The following FAM193A variants were observed in gnomAD, a reference collection of about 807,000 sequenced individuals.
FAM193A encodes family with sequence similarity 193 member A.
FAM193A carries 22 observed loss-of-function variants against 126.5 expected under a neutral mutation model. That is an observed-to-expected ratio of 0.17 (90% CI 0.12 to 0.25). The LOEUF is 0.25. Ranked by LOEUF, FAM193A falls within the 10% of genes least tolerant of loss-of-function variation. The probability of loss-of-function intolerance (pLI) is 1.00; values close to 1 mark genes in which losing one functional copy is unlikely to be tolerated. For missense variants in FAM193A, 1,675 were observed against 1,672.8 expected (o/e 1.00, Z -0.02); for synonymous variants, 761 against 646.8 (o/e 1.18, Z -2.68).
At chr4:2,728,391 C>T (rs1030804230) in intron 20 of FAM193A, among the ~76,000 whole-genome samples, 3 of 152,038 alleles carry the variant, frequency 2.0e-5, no homozygotes, top group African/African-American at 7.2e-5. Flanking sequence ...TTTACCTTCC[C>T]TCATTTTTGG....
chr4:2,613,153 T>C (rs1310993079), intron 2 of FAM193A, among the ~76,000 whole-genome samples: 2 of 152,164 alleles, frequency 1.3e-5, no homozygotes, highest in African/African-American at 4.8e-5. Context: ...TTAAAAACTT[T>C]CCAGACAGGC....
At chr4:2,613,715 A>G (rs1742018233) in intron 2 of FAM193A, among the ~76,000 whole-genome samples, 1 of 151,100 alleles carries the variant, frequency 6.6e-6, no homozygotes, top group South Asian at 2.1e-4. Flanking sequence ...TGGCCTCCCA[A>G]AGTGCTGGGA....
At chr4:2,609,946 T>C (rs1016543093) in intron 2 of FAM193A, among the ~76,000 whole-genome samples, 1 of 143,728 alleles carries the variant, frequency 7.0e-6, no homozygotes, top group African/African-American at 2.6e-5. Flanking sequence ...AAAAAGAGTT[T>C]GCTGGCTGGG....
Position 2,699,862 on chromosome 4 carries a change from G to T in FAM193A, c.3690G>T (p.Glu1230Asp), listed in dbSNP as rs1286216703. The T allele has an allele frequency of 4.3e-6, 7 of 1,613,930 alleles. No homozygotes were observed. Among genetic ancestry groups the T allele is most frequent in the Non-Finnish European group, 5.1e-6 (6 of 1,179,982 alleles). Residue 1230 changes from glutamate (E) to aspartate (D), a missense_variant, in exon 19 of 21, where the codon GAG (glutamate) becomes GAT (aspartate). Physicochemically the swap from Glu to Asp is conservative, Grantham distance 45 (BLOSUM62 2). Around this residue, in one of 4 missense-constraint regions of FAM193A, gnomAD observed 415 missense variants for 396.7 expected, o/e 1.05. Coordinates refer to ENST00000637812, the MANE Select transcript of FAM193A (RefSeq NM_001366318.2). ...KLRAVKKKKK[E>D]RPSKDCPKLD... ...GAGCTGTAAAAAAGAAGAAGAAGGA[G>T]AGGCCAAGTAAAGACTGCCCCAAGT...
chr4:2,706,626 G>A (rs1341741211), intron 19 of FAM193A, among the ~76,000 whole-genome samples: 1 of 151,258 alleles, frequency 6.6e-6, no homozygotes, highest in Non-Finnish European at 1.5e-5. Context: ...TATGCACTTG[G>A]GTCTGTTTCT....
At chr4:2,645,222 A>G (rs1745016734) in intron 6 of FAM193A, among the ~76,000 whole-genome samples, 2 of 152,224 alleles carry the variant, frequency 1.3e-5, no homozygotes, top group African/African-American at 2.4e-5. Flanking sequence ...GATATATTAT[A>G]AACATGGTAT....
chr4:2,690,068 G>A (rs1716191568), intron 14 of FAM193A, among the ~76,000 whole-genome samples: 3 of 152,210 alleles, frequency 2.0e-5, no homozygotes, highest in South Asian at 4.1e-4. Flanking sequence ...GTGCACAGGG[G>A]CAGGAAGAAA....
At chr4:2,567,817 C>T (rs1020643678) in intron 1 of FAM193A, among the ~76,000 whole-genome samples, 1 of 152,142 alleles carries the variant, frequency 6.6e-6, no homozygotes, top group Admixed American at 6.6e-5. Flanking sequence ...GGTGTCCCTG[C>T]CGATGAAGTC....
intron 1 of FAM193A, among the ~76,000 whole-genome samples, chr4:2,548,935 T>G (rs1177206020): frequency 6.6e-6 from 1 of 151,662 alleles, no homozygotes; most frequent in African/African-American, 2.4e-5. Context: ...TTTTTTGTTT[T>G]TTTTGTTTGT....
chr4:2,568,253 A>G lies in FAM193A; in HGVS notation c.256-27831A>G, dbSNP rs985684761. 9.8e-5 allele frequency among the ~76,000 whole-genome samples: 15 copies of G among 152,332 alleles called. No individual in the cohort carries two copies. In the South Asian group the frequency reaches 3.1e-3, roughly 32 times the overall value. ...TTTCAAAAAGATTGGAAGTTTATTG[A>G]ATGCAGAACAATTTTAAGGCCTAGT... On this transcript the variant is annotated intron_variant, in intron 1 of 20. Coordinates refer to ENST00000637812, the MANE Select transcript of FAM193A (RefSeq NM_001366318.2).
chr4:2,614,465 T>A (rs1742067952), intron 2 of FAM193A, among the ~76,000 whole-genome samples: 1 of 152,212 alleles, frequency 6.6e-6, no homozygotes, highest in Admixed American at 6.6e-5. Context: ...AACTCACATT[T>A]GGTTGTGATG....
At chr4:2,624,246 G>A (rs1255098206) in intron 2 of FAM193A, among the ~76,000 whole-genome samples, 5 of 151,752 alleles carry the variant, frequency 3.3e-5, no homozygotes, top group South Asian at 2.1e-4. Flanking sequence ...GCGCGATCTC[G>A]GCTCACTGCA....
intron 20 of FAM193A, among the ~76,000 whole-genome samples, chr4:2,728,967 A>G (rs1721075122): frequency 7.8e-6 from 1 of 128,350 alleles, no homozygotes; most frequent in Non-Finnish European, 1.5e-5. Flanking sequence ...GCCGTAGTGC[A>G]GTGGCGCATT....
intron 2 of FAM193A, among the ~76,000 whole-genome samples, chr4:2,599,626 G>T (rs1741076217): frequency 6.6e-6 from 1 of 152,102 alleles, no homozygotes; most frequent in South Asian, 2.1e-4. Context: ...ACCCATCCTA[G>T]CATCACGTCC....
chr4:2,720,904 T>C (rs916209771), intron 20 of FAM193A, among the ~76,000 whole-genome samples: 22 of 152,150 alleles, frequency 1.4e-4, no homozygotes, highest in Non-Finnish European at 2.8e-4. Flanking sequence ...CCGGGCATAG[T>C]GGCTCATGCC....
chr4:2,671,697 C>T (rs1007037021), intron 12 of FAM193A, among the ~76,000 whole-genome samples: 4 of 152,190 alleles, frequency 2.6e-5, no homozygotes, highest in South Asian at 2.1e-4. Context: ...TTCACTCCAC[C>T]GTAACCGGAA....
At chr4:2,692,850 AGAGGGAGG>A (rs950957402) in intron 15 of FAM193A, among the ~76,000 whole-genome samples, 15 of 83,090 alleles carry the variant, frequency 1.8e-4, no homozygotes, top group Non-Finnish European at 4.4e-4. Context: ...AAAAAAAGAG[AGAGGGAGG>A]GAGGGAGGGA....
intron 1 of FAM193A, among the ~76,000 whole-genome samples, chr4:2,541,777 G>C (rs1328115238): frequency 6.6e-6 from 1 of 151,858 alleles, no homozygotes. Context: ...GCTGCACCTT[G>C]ACAGTTGCTT....
intron 19 of FAM193A, among the ~76,000 whole-genome samples, chr4:2,701,130 T>TA (rs1717684802): frequency 6.6e-6 from 1 of 152,070 alleles, no homozygotes; most frequent in African/African-American, 2.4e-5. Flanking sequence ...CCCTTTAACC[T>TA]AAAATACTTC....
Sources: allele counts gnomAD v4.1 joint callset (sites outside exome capture counted in the v4.1 genomes callset), GRCh38; gene constraint gnomAD v4.1.1; regional missense constraint gnomAD v4.1.1; transcripts MANE v1.5; gene names NCBI Gene and HGNC (gene_info 2026-07-23, HGNC 2026-07-21).